Variants in ASIC2 observed in about 807,000 individuals in gnomAD.
ASIC2 encodes the protein acid-sensing ion channel 2.
ASIC2 carries 25 observed loss-of-function variants against 57.3 expected under a neutral mutation model. That is an observed-to-expected ratio of 0.44 (90% CI 0.32 to 0.61). ASIC2 has a LOEUF of 0.61. Ranked by LOEUF, ASIC2 falls within the 20% of genes least tolerant of loss-of-function variation. The pLI is 0.06. For missense variants in ASIC2, 641 were observed against 738.1 expected, an observed-to-expected ratio of 0.87 and a Z score of 1.52; for synonymous variants, 319 against 307.5, an observed-to-expected ratio of 1.04 and a Z score of -0.39.
intron 3 of ASIC2, among the ~76,000 whole-genome samples, chr17:33,057,997 A>G (rs1800160750): frequency 6.6e-6 from 1 of 152,120 alleles, no homozygotes; most frequent in South Asian, 2.1e-4. Flanking sequence ...TTAAGCATAC[A>G]TCTTTTTAAT....
chr17:33,268,255 A>G (rs1380032161), intron 1 of ASIC2, among the ~76,000 whole-genome samples: 1 of 152,128 alleles, frequency 6.6e-6, no homozygotes, highest in Admixed American at 6.5e-5. Context: ...TATTTTAGCC[A>G]AGATCAGCTT....
At chr17:33,734,122 G>T (rs1420591797) in intron 1 of ASIC2, among the ~76,000 whole-genome samples, 1 of 152,182 alleles carries the variant, frequency 6.6e-6, no homozygotes, top group Non-Finnish European at 1.5e-5. Flanking sequence ...GGCACAGCCT[G>T]CATCTGCGCC....
intron 1 of ASIC2, among the ~76,000 whole-genome samples, chr17:33,954,827 C>A (rs1213273350): frequency 2.0e-5 from 3 of 152,156 alleles, no homozygotes; most frequent in African/African-American, 7.2e-5. Flanking sequence ...TGACATGCAG[C>A]CCGGTTTGCG....
intron 1 of ASIC2, among the ~76,000 whole-genome samples, chr17:33,585,727 A>G (rs1007750032): frequency 4.6e-5 from 7 of 152,240 alleles, no homozygotes; most frequent in African/African-American, 1.7e-4. Context: ...TATGGCAACC[A>G]GGTAGGATGT....
intron 2 of ASIC2, among the ~76,000 whole-genome samples, chr17:33,099,101 T>C (rs1161945924): frequency 6.6e-6 from 1 of 151,990 alleles, no homozygotes; most frequent in Non-Finnish European, 1.5e-5. Context: ...CAAGCGACTC[T>C]CCTGCATCAA....
At chr17:33,295,308 A>G (rs1021823259), upstream of ASIC2, among the ~76,000 whole-genome samples, 3 of 152,194 alleles carry the variant, frequency 2.0e-5, no homozygotes, top group South Asian at 6.2e-4. Flanking sequence ...TGACACAGAA[A>G]TCTAGAGAAA....
At chr17:34,055,477 A>C (rs1226819613) in intron 1 of ASIC2, among the ~76,000 whole-genome samples, 1 of 152,198 alleles carries the variant, frequency 6.6e-6, no homozygotes, top group Admixed American at 6.5e-5. Flanking sequence ...TAATTTTGAC[A>C]AATGAAACTC....
chr17:33,331,517 T>C (rs1032478490), intron 1 of ASIC2, among the ~76,000 whole-genome samples: 16 of 152,234 alleles, frequency 1.1e-4, no homozygotes, highest in Non-Finnish European at 5.9e-5. Context: ...CAGTTTCTTC[T>C]GAATAATTAG....
At chr17:33,984,310 C>T (rs1327869281) in intron 1 of ASIC2, 1 of 152,252 alleles carries the variant, frequency 6.6e-6, no homozygotes, top group Non-Finnish European at 1.5e-5. Context: ...CTTGTTGGTG[C>T]TTCATCGAAC....
chr17:33,907,996 G>C (rs1290338916), intron 1 of ASIC2, among the ~76,000 whole-genome samples: 1 of 152,140 alleles, frequency 6.6e-6, no homozygotes, highest in Non-Finnish European at 1.5e-5. Context: ...TGAATTTCAA[G>C]CTTCTTTCAC....
At chr17:33,866,355 G>T (rs780714407) in intron 1 of ASIC2, among the ~76,000 whole-genome samples, 13 of 152,028 alleles carry the variant, frequency 8.6e-5, no homozygotes, top group Non-Finnish European at 1.5e-4. Context: ...CAAATTCATC[G>T]TGTGCTGAAT....
At chr17:34,134,804 A>G (rs774528564) in intron 1 of ASIC2, among the ~76,000 whole-genome samples, 2 of 152,216 alleles carry the variant, frequency 1.3e-5, no homozygotes, top group African/African-American at 2.4e-5. Context: ...AGTCATTTCT[A>G]GGAGAGGGAG....
chr17:33,585,229 A>C (rs1369105), intron 1 of ASIC2, among the ~76,000 whole-genome samples: 1 of 151,114 alleles, frequency 6.6e-6, no homozygotes, highest in Non-Finnish European at 1.5e-5. Context: ...AATCAGGGCA[A>C]GAGCCAGGCA....
chr17:34,124,516 G>A (rs758397025), intron 1 of ASIC2, among the ~76,000 whole-genome samples: 1 of 152,140 alleles, frequency 6.6e-6, no homozygotes, highest in Middle Eastern at 3.2e-3. Context: ...TGATGGGTTT[G>A]CCTGTTCAGC....
At chr17:33,382,562 C>T (rs1163069914) in intron 1 of ASIC2, among the ~76,000 whole-genome samples, 1 of 152,144 alleles carries the variant, frequency 6.6e-6, no homozygotes, top group Non-Finnish European at 1.5e-5. Context: ...TAGGAAGGTG[C>T]CCATCATGGG....
chr17:33,196,335 T>C (rs1906628546), intron 1 of ASIC2, among the ~76,000 whole-genome samples: 1 of 152,100 alleles, frequency 6.6e-6, no homozygotes, highest in African/African-American at 2.4e-5. Context: ...ATGATGATGA[T>C]GATGATGATG....
intron 1 of ASIC2, among the ~76,000 whole-genome samples, chr17:33,577,114 T>G (rs1408268660): frequency 6.6e-6 from 1 of 152,176 alleles, no homozygotes; most frequent in Non-Finnish European, 1.5e-5. Context: ...ACCCAACTGC[T>G]AGGGCTTGAG....
At chr17:33,941,917 C>T (rs1014452195) in intron 1 of ASIC2, among the ~76,000 whole-genome samples, 5 of 152,282 alleles carry the variant, frequency 3.3e-5, no homozygotes, top group Middle Eastern at 3.4e-3. Context: ...TACTACCACC[C>T]CGGGGCAACT....
chr17:33,057,011 A>G (rs73982413), intron 3 of ASIC2, among the ~76,000 whole-genome samples: 2,663 of 152,244 alleles, frequency 0.017, 76 homozygotes, highest in African/African-American at 0.061. Flanking sequence ...GTGTGTATGT[A>G]TGTGTGTGAG....
Sources: allele counts gnomAD v4.1 joint callset (sites outside exome capture counted in the v4.1 genomes callset), GRCh38; gene constraint gnomAD v4.1.1; transcripts MANE v1.5; gene names NCBI Gene and HGNC (gene_info 2026-07-23, HGNC 2026-07-21).